Variants in KIRREL3 observed in about 807,000 individuals in gnomAD.
The protein encoded by KIRREL3 is kirre like nephrin family adhesion molecule 3.
Under a neutral mutation model 89.7 loss-of-function variants are expected in KIRREL3, and 36 were observed. The observed-to-expected ratio is 0.40, with a 90% confidence interval of 0.31 to 0.53. KIRREL3 has a LOEUF of 0.53. Among genes scored for constraint, KIRREL3 ranks in the 20% least tolerant of loss-of-function variants. KIRREL3 has a pLI of 0.49. For synonymous variants in KIRREL3, 445 were observed against 441.4 expected (o/e 1.01, Z -0.10); for missense variants, 864 against 1,056.6 (o/e 0.82, Z 2.53).
chr11:126,939,013 G>C (rs1258542145), intron 1 of KIRREL3, among the ~76,000 whole-genome samples: 1 of 152,120 alleles, frequency 6.6e-6, no homozygotes, highest in East Asian at 1.9e-4. Flanking sequence ...GTGTGAGAAG[G>C]AAGCTCCTAG....
chr11:126,786,200 A>T (rs1021747489), intron 1 of KIRREL3, among the ~76,000 whole-genome samples: 1 of 152,224 alleles, frequency 6.6e-6, no homozygotes, highest in Non-Finnish European at 1.5e-5. Flanking sequence ...ATTGCATATG[A>T]TAACTATGCT....
intron 1 of KIRREL3, among the ~76,000 whole-genome samples, chr11:126,925,265 G>T (rs968957417): frequency 1.3e-5 from 2 of 152,194 alleles, no homozygotes; most frequent in African/African-American, 4.8e-5. Flanking sequence ...GATCTAACAT[G>T]CATGTGTCCT....
Position 126,908,773 on chromosome 11 carries a change from T to G in KIRREL3, c.55+91682A>C, listed in dbSNP as rs557468590. ...CCTATAGTCTAGGTAGGAAGATAAA[T>G]GTCGAACAAAGACTCAGGCAAATAT... On this transcript the variant is annotated intron_variant, in intron 1 of 16. Transcript: ENST00000525144. This position sits in a 1 kb window ranked among gnomAD's most constrained non-coding sequence, Gnocchi z 4.2. 2.0e-5 allele frequency among the ~76,000 whole-genome samples: 3 copies of G among 152,260 alleles called. No individual in the cohort carries two copies. Among genetic ancestry groups the G allele is most frequent in the Admixed American group, 1.3e-4 (2 of 15,298 alleles).
In KIRREL3 at chr11:126,430,248, C is replaced by T. The variant is rs772200571; in HGVS notation, c.1697-960G>A. Among the ~76,000 whole-genome samples the T allele has an allele frequency of 1.3e-5, 2 of 152,002 alleles. No homozygotes were observed. The highest frequency in any genetic ancestry group is 6.6e-5 in the Admixed American group (1 of 15,262). ...CCACTTGAGGCCAGGAGTTCGAGAC[C>T]AGCCTGGGCAACATGGTGAAATCCT... On this transcript the variant is annotated intron_variant, in intron 14 of 16. Transcript: ENST00000525144. This position sits in a 1 kb window ranked among gnomAD's most constrained non-coding sequence, Gnocchi z 6.6.
chr11:126,522,435 C>T lies in KIRREL3; in HGVS notation c.284-971G>A, dbSNP rs1456544221. On this transcript the variant is annotated intron_variant, in intron 3 of 16. Transcript: ENST00000525144. This position sits in a 1 kb window ranked among gnomAD's most constrained non-coding sequence, Gnocchi z 6.0. ...TTGGGTCACTTTGAGTCACAGTGGA[C>T]CCTGTCTAGTCATTCCTCCTGTCCC... is the stretch of plus-strand genomic sequence containing the variant. Among the ~76,000 whole-genome samples the T allele has an allele frequency of 6.6e-6, 1 of 152,202 alleles. No individual in the cohort carries two copies. Among genetic ancestry groups the T allele is most frequent in the Non-Finnish European group, 1.5e-5 (1 of 68,038 alleles).
chr11:126,963,599 A>G (rs1383384189), intron 1 of KIRREL3, among the ~76,000 whole-genome samples: 1 of 152,184 alleles, frequency 6.6e-6, no homozygotes, highest in Non-Finnish European at 1.5e-5. Context: ...TCAAACCCCG[A>G]AGACAAAACA....
intron 7 of KIRREL3, among the ~76,000 whole-genome samples, chr11:126,450,738 TGTGA>T (rs759278901): frequency 8.6e-5 from 13 of 151,372 alleles, no homozygotes; most frequent in Admixed American, 3.3e-4. Flanking sequence ...TGTGGGCATG[TGTGA>T]GTGTGGGCAT....
rs762327865 is a variant in KIRREL3 at position 126,796,277 on chromosome 11, GAA to G, written c.55+204176_55+204177del. On this transcript the variant is annotated intron_variant, in intron 1 of 16. Coordinates refer to ENST00000525144, the MANE Select transcript of KIRREL3 (RefSeq NM_032531.4). The surrounding 1 kb of genome is among the most constrained non-coding windows in gnomAD (Gnocchi z 5.1). The stretch of plus-strand genomic sequence containing the variant: ...AAAAAAACCAAGGACTTGACCAGAT[GAA>G]AAGAGAGGGGCTCGATCCATGTGAG... Among the ~76,000 whole-genome samples, 10 of 152,114 alleles carry G rather than the reference GAA, an allele frequency of 6.6e-5. No homozygotes were observed. The highest frequency in any genetic ancestry group is 1.5e-5 in the Non-Finnish European group (1 of 68,014).
At position 126,653,119 on chromosome 11, in the gene KIRREL3, G is replaced by C. The variant is rs867056074; in HGVS notation, c.56-90207C>G. Among the ~76,000 whole-genome samples the C allele has an allele frequency of 1.3e-5, 2 of 152,192 alleles. No individual in the cohort carries two copies. Among genetic ancestry groups the C allele is most frequent in the Non-Finnish European group, 2.9e-5 (2 of 68,034 alleles). On this transcript the variant is annotated intron_variant, in intron 1 of 16. Coordinates refer to ENST00000525144, the MANE Select transcript of KIRREL3 (RefSeq NM_032531.4). The surrounding 1 kb of genome is among the most constrained non-coding windows in gnomAD (Gnocchi z 5.4). Reference sequence around the variant, plus strand: ...ACCTTGTTTGTAATTGTCTTGTGAGGAATATATGTACACAACTGAAAAGTT... The same window carrying C: ...ACCTTGTTTGTAATTGTCTTGTGAGCAATATATGTACACAACTGAAAAGTT...
In KIRREL3 at chr11:126,902,452, G is replaced by T. The variant is rs543802854; in HGVS notation, c.55+98003C>A. On this transcript the variant is annotated intron_variant, in intron 1 of 16. Transcript: ENST00000525144. ...ATATTTATGGGATATATAGTTGCTC[G>T]TGACTTTAAAATGTATATTTCTTAT... Among the ~76,000 whole-genome samples, 221 of 152,310 alleles carry T rather than the reference G, an allele frequency of 1.5e-3. 1 individual carries two copies. Among genetic ancestry groups the T allele is most frequent in the Non-Finnish European group, 2.4e-3 (161 of 68,022 alleles).
At chr11:126,632,818 G>A (rs1031501692) in intron 1 of KIRREL3, among the ~76,000 whole-genome samples, 12 of 39,126 alleles carry the variant, frequency 3.1e-4, no homozygotes, top group East Asian at 7.7e-4. Flanking sequence ...AAGACCAGGC[G>A]CGGTAGCTCA....
At chr11:126,871,157 C>T (rs1193442486) in intron 1 of KIRREL3, among the ~76,000 whole-genome samples, 1 of 152,198 alleles carries the variant, frequency 6.6e-6, no homozygotes, top group South Asian at 2.1e-4. Context: ...TCAAAGCATG[C>T]CGAGGACACT....
chr11:126,436,795 C>T lies in KIRREL3; in HGVS notation c.1552+16G>A, dbSNP rs748367016. On this transcript the variant is annotated intron_variant, in intron 12 of 16. Transcript: ENST00000525144. ...TCCATCGTTCGTTGTTCCCTCATGG[C>T]CCTGGCAGCTCTCACCTTGCTCCTT... 1.2e-6 allele frequency: 2 copies of T among 1,613,122 alleles called. No homozygotes were observed. Among genetic ancestry groups the T allele is most frequent in the Admixed American group, 1.7e-5 (1 of 60,020 alleles).
At chr11:126,982,884 AG>A (rs1949756356) in intron 1 of KIRREL3, among the ~76,000 whole-genome samples, 1 of 152,242 alleles carries the variant, frequency 6.6e-6, no homozygotes, top group African/African-American at 2.4e-5. Context: ...AGTATTTTAA[AG>A]GAGAGTTCTC....
chr11:126,535,460 A>G lies in KIRREL3; in HGVS notation c.134-8773T>C, dbSNP rs1230517023. 6.6e-6 allele frequency among the ~76,000 whole-genome samples: 1 copy of G among 152,148 alleles called. No individual in the cohort carries two copies. The highest frequency in any genetic ancestry group is 6.5e-5 in the Admixed American group (1 of 15,272). ...GGCCCCATTCTGAGGTTGCCCCTCA[A>G]TCCCTAATTATTTCCTGAGGGGGAA... is the stretch of plus-strand genomic sequence containing the variant. On this transcript the variant is annotated intron_variant, in intron 2 of 16. Coordinates refer to ENST00000525144, the MANE Select transcript of KIRREL3 (RefSeq NM_032531.4). This position sits in a 1 kb window ranked among gnomAD's most constrained non-coding sequence, Gnocchi z 4.5.
rs530435475 is a variant in KIRREL3 at position 126,987,086 on chromosome 11, C to T, written c.55+13369G>A. On this transcript the variant is annotated intron_variant, in intron 1 of 16. Transcript: ENST00000525144. The surrounding 1 kb of genome is among the most constrained non-coding windows in gnomAD (Gnocchi z 4.6). ...TGACCTGCAGACCACACTTGAAGAA[C>T]CACGGTGATAGAGAATCTACGAACT... 2.6e-5 allele frequency among the ~76,000 whole-genome samples: 4 copies of T among 152,292 alleles called. No homozygotes were observed. The highest frequency in any genetic ancestry group is 9.6e-5 in the African/African-American group (4 of 41,572).
chr11:126,963,851 G>C (rs1362083668), intron 1 of KIRREL3, among the ~76,000 whole-genome samples: 1 of 152,188 alleles, frequency 6.6e-6, no homozygotes, highest in Non-Finnish European at 1.5e-5. Context: ...CCCCTGGAGT[G>C]AATGACTTTC....
At chr11:126,850,153 C>G (rs905600590) in intron 1 of KIRREL3, among the ~76,000 whole-genome samples, 1 of 152,190 alleles carries the variant, frequency 6.6e-6, no homozygotes, top group African/African-American at 2.4e-5. Context: ...CAGCAAACAT[C>G]GCGGAGACAA....
In KIRREL3 at chr11:126,519,807, C is replaced by A. The variant is rs1958528295; in HGVS notation, c.433+1508G>T. ...AATTCCTCCTCCTCTCCTCCCACAA[C>A]CCCCACACCACATGGCAGACTCATT... On this transcript the variant is annotated intron_variant, in intron 4 of 16. Coordinates refer to ENST00000525144, the MANE Select transcript of KIRREL3 (RefSeq NM_032531.4). The surrounding 1 kb of genome is among the most constrained non-coding windows in gnomAD (Gnocchi z 4.3). Among the ~76,000 whole-genome samples the A allele has an allele frequency of 6.6e-6, 1 of 152,182 alleles. No homozygotes were observed. Among genetic ancestry groups the A allele is most frequent in the African/African-American group, 2.4e-5 (1 of 41,442 alleles).
Sources: gnomAD v4.1 joint callset for allele counts (sites outside exome capture counted in the v4.1 genomes callset) on GRCh38, gnomAD v4.1.1 for gene constraint, Gnocchi (gnomAD v3.1) non-coding constraint, MANE v1.5 for transcripts, NCBI Gene and HGNC (gene_info 2026-07-23, HGNC 2026-07-21) for gene names.